TBC1D8B: variants seen among roughly 807,000 people sequenced by gnomAD.
TBC1D8B encodes the protein RP11-321G1.1.
In TBC1D8B, 75 loss-of-function variants were observed where a neutral mutation model predicts 82.9. The ratio of observed to expected loss-of-function variants is 0.90; its 90% confidence interval spans 0.75 to 1.10. The LOEUF is 1.10. Ranked by LOEUF, TBC1D8B falls within the 50% of genes least tolerant of loss-of-function variation. The pLI is 0.00. For synonymous variants in TBC1D8B, 276 were observed against 276.8 expected (o/e 1.00, Z 0.03); for missense variants, 794 against 796.9 (o/e 1.00, Z 0.04).
chrX:106,856,982 A>AT (rs754508196), intron 14 of TBC1D8B, among the ~76,000 whole-genome samples: 1 of 109,330 alleles, frequency 9.1e-6, no homozygotes, highest in African/African-American at 3.3e-5. Context: ...TAATTGTACT[A>AT]TTTTTTTTAG....
In TBC1D8B at chrX:106,865,398, T is replaced by G. The variant is rs760985053; in HGVS notation, c.2353-161T>G. 431 of 269,443 alleles carry G rather than the reference T, an allele frequency of 1.6e-3. 2 individuals carry two copies. Among genetic ancestry groups the G allele is most frequent in the Middle Eastern group, 2.5e-3 (2 of 811 alleles). 22.2% of individuals were successfully genotyped at this position (269,443 alleles called of 1,213,427 possible). ...TTTAAAAGGAAAAATAGATAATAAC[T>G]TTATAATATAATAACTTATAATAAC... On this transcript the variant is annotated intron_variant, in intron 14 of 20. Coordinates refer to ENST00000357242, the MANE Select transcript of TBC1D8B (RefSeq NM_017752.3).
intron 6 of TBC1D8B, among the ~76,000 whole-genome samples, chrX:106,826,811 G>A (rs1481720707): frequency 9.0e-6 from 1 of 110,969 alleles, no homozygotes; most frequent in East Asian, 2.8e-4. Context: ...AGTAAGAGCT[G>A]TAAGACTTTA....
At chrX:106,862,776 G>GTTTTTTTGTTTTTTTTTT (rs1932785498) in intron 14 of TBC1D8B, among the ~76,000 whole-genome samples, 1 of 37,298 alleles carries the variant, frequency 2.7e-5, no homozygotes, top group African/African-American at 1.2e-4. Flanking sequence ...GTTTTTTTTT[G>GTTTTTTTGTTTTTTTTTT]TTTTTTTTTT....
intron 1 of TBC1D8B, among the ~76,000 whole-genome samples, chrX:106,816,319 A>G (rs1025766877): frequency 1.8e-5 from 2 of 111,739 alleles, no homozygotes; most frequent in Non-Finnish European, 3.8e-5. Flanking sequence ...TGCTTCAAAG[A>G]GAATAAAATG....
chrX:106,835,099 C>T (rs1381300716), intron 7 of TBC1D8B, among the ~76,000 whole-genome samples: 1 of 112,387 alleles, frequency 8.9e-6, no homozygotes, highest in African/African-American at 3.2e-5. Context: ...CAGAGGTTCC[C>T]CCATGAGGAC....
rs375655590 is a variant in TBC1D8B, at chrX:106,829,958, C to A, written c.1203+2621C>A. The A allele has an allele frequency of 9.9e-5, 11 of 111,358 alleles. No individual in the cohort carries two copies. The East Asian group carries it at 3.1e-3, about 31-fold the overall frequency. 9.2% of individuals were successfully genotyped at this position (111,358 alleles called of 1,213,427 possible). A position where few individuals can be genotyped will look rare whatever the true frequency, so the allele number is the denominator to read the frequency against. ...AATTGACAAATGGGATCTAATTAAA[C>A]TAAAGAGCTTCTGCACAGCAAAAGA... is the stretch of plus-strand genomic sequence containing the variant. On this transcript the variant is annotated intron_variant, in intron 7 of 20. Coordinates refer to ENST00000357242, the MANE Select transcript of TBC1D8B (RefSeq NM_017752.3).
chrX:106,830,102 AAAAC>A (rs771203854), intron 7 of TBC1D8B: 5 of 112,152 alleles, frequency 4.5e-5, no homozygotes, highest in South Asian at 3.8e-4. Flanking sequence ...TTATAAGAAA[AAAAC>A]AAACAACCCC....
Position 106,840,106 on chromosome X carries a change from G to T in TBC1D8B, c.1412G>T (p.Gly471Val), listed in dbSNP as rs776711452. Residue 471 changes from glycine (G) to valine (V), a missense_variant, in exon 9 of 21, where the codon GGT becomes GTT. Gly to Val is a moderately radical substitution (Grantham distance 109, BLOSUM62 -3). Transcript: ENST00000357242. ...ATACTGTTTGCAGAATGTGGACGTGGTGTTAGTATGTTTCGAACCAAAAAG... is the reference window on the plus strand; with the variant it reads ...ATACTGTTTGCAGAATGTGGACGTGTTGTTAGTATGTTTCGAACCAAAAAG... ...WKILFAECGR[G>V]VSMFRTKKTR... The T allele has an allele frequency of 2.5e-6, 3 of 1,209,708 alleles. No individual in the cohort carries two copies. Among genetic ancestry groups the T allele is most frequent in the Non-Finnish European group, 2.2e-6 (2 of 893,991 alleles).
intron 12 of TBC1D8B, among the ~76,000 whole-genome samples, chrX:106,851,720 C>A (rs1932589512): frequency 9.0e-6 from 1 of 111,471 alleles, no homozygotes; most frequent in Non-Finnish European, 1.9e-5. Context: ...CAGTTTCATC[C>A]ATGTCCCTAC....
chrX:106,825,930 T>C (rs1365129063), intron 5 of TBC1D8B, 100 bp from the exon 6 acceptor site: 5 of 661,504 alleles, frequency 7.6e-6, no homozygotes, highest in Non-Finnish European at 1.1e-5. Context: ...TTAATCTGTG[T>C]GCACAGTGTA....
chrX:106,840,927 A>C (rs1241762033), intron 10 of TBC1D8B, 43 bp downstream of exon 10: 2 of 1,108,344 alleles, frequency 1.8e-6, no homozygotes, highest in Non-Finnish European at 2.5e-6. Context: ...TGTTCCAAAT[A>C]AAATCACATC....
At chrX:106,805,156 A>G (rs979657531) in intron 1 of TBC1D8B, among the ~76,000 whole-genome samples, 2 of 86,795 alleles carry the variant, frequency 2.3e-5, no homozygotes, top group Non-Finnish European at 4.2e-5. Context: ...TGATGTGATT[A>G]TAGCTCACAG....
chrX:106,827,424 T>A, intron 7 of TBC1D8B, 87 bp downstream of exon 7: 1 of 1,034,063 alleles, frequency 9.7e-7, no homozygotes, highest in Non-Finnish European at 1.3e-6. Flanking sequence ...TCATAGTACC[T>A]TTCCTATTTA....
chrX:106,849,643 A>G (rs1378615711), intron 11 of TBC1D8B: 1 of 871,822 alleles, frequency 1.1e-6, no homozygotes, highest in Non-Finnish European at 1.4e-6. Flanking sequence ...AATCAAAATG[A>G]ACTTAGAGAA....
rs1477822918 is a variant in TBC1D8B at position 106,865,776 on chromosome X, T to C, written c.2422-17T>C. On this transcript the variant is annotated splice_polypyrimidine_tract_variant and intron_variant, in intron 15 of 20. Transcript: ENST00000357242. ...TTTTCTAATTAGTAACTTTCCTTTT[T>C]TATTTATTTTTAATAGAAAGAGCTG... 3.4e-6 allele frequency: 4 copies of C among 1,161,419 alleles called. No homozygotes were observed. The highest frequency in any genetic ancestry group is 4.6e-6 in the Non-Finnish European group (4 of 872,364).
chrX:106,826,169 T>G lies in TBC1D8B; in HGVS notation c.967T>G (p.Ser323Ala). The G allele has an allele frequency of 1.7e-6, 2 of 1,210,890 alleles. No individual in the cohort carries two copies. Among genetic ancestry groups the G allele is most frequent in the Non-Finnish European group, 2.2e-6 (2 of 894,974 alleles). ...CAATACTCATGGGAAAATGTGCATC[T>G]CAGAAAATTATATCTGCTTTGCTAG... ...HFNTHGKMCI[S>A]ENYICFASQD... Residue 323 changes from serine (S) to alanine (A), a missense_variant, in exon 6 of 21, where the codon TCA becomes GCA. By Grantham distance (99) the Ser-to-Ala change is moderately conservative. Transcript: ENST00000357242.
At chrX:106,843,752 G>A in intron 10 of TBC1D8B, among the ~76,000 whole-genome samples, 1 of 109,859 alleles carries the variant, frequency 9.1e-6, no homozygotes, top group Non-Finnish European at 1.9e-5. Context: ...AAAGGCAGCT[G>A]GGATTTTGAT....
chrX:106,825,317 T>C (rs993209288), intron 5 of TBC1D8B, among the ~76,000 whole-genome samples: 5 of 111,764 alleles, frequency 4.5e-5, no homozygotes, highest in African/African-American at 1.6e-4. Flanking sequence ...CTTGCATTAT[T>C]TACTTATTAT....
chrX:106,844,234 C>T (rs942199120), intron 10 of TBC1D8B, among the ~76,000 whole-genome samples: 6 of 109,308 alleles, frequency 5.5e-5, no homozygotes, highest in African/African-American at 1.3e-4. Flanking sequence ...CTAGAACCTT[C>T]GGTACAATGT....
Sources: gnomAD v4.1 joint callset for allele counts (sites outside exome capture counted in the v4.1 genomes callset) on GRCh38, gnomAD v4.1.1 for gene constraint, MANE v1.5 for transcripts, NCBI Gene and HGNC (gene_info 2026-07-23, HGNC 2026-07-21) for gene names.